ERC2: variants seen among roughly 807,000 people sequenced by gnomAD.
The protein encoded by ERC2 is ELKS/RAB6-interacting/CAST family member 2, also known as ERC protein 2.
In ERC2, 42 loss-of-function variants were observed where a neutral mutation model predicts 114.8. The observed-to-expected ratio is 0.37, with a 90% CI of 0.29 to 0.47. The LOEUF (loss-of-function observed/expected upper bound fraction) is 0.47, where lower values mean the gene tolerates loss of function less well. Among genes scored for constraint, ERC2 ranks in the 20% least tolerant of loss-of-function variants. The pLI, the probability that ERC2 is intolerant of heterozygous loss-of-function variation, is 0.99. For synonymous variants in ERC2, 454 were observed against 425.5 expected, an observed-to-expected ratio of 1.07 and a Z score of -0.82; for missense variants, 939 against 1,150.7, an observed-to-expected ratio of 0.82 and a Z score of 2.66.
chr3:56,369,362 A>T (rs75076478), intron 2 of ERC2, among the ~76,000 whole-genome samples: 4,780 of 152,316 alleles, frequency 0.031, 148 homozygotes, highest in African/African-American at 0.074. Flanking sequence ...CAATAAGACC[A>T]TAGGAAAATA....
At chr3:56,364,748 A>G (rs560166849) in intron 2 of ERC2, among the ~76,000 whole-genome samples, 1 of 152,356 alleles carries the variant, frequency 6.6e-6, no homozygotes, top group East Asian at 1.9e-4. Flanking sequence ...GCAAGATAAA[A>G]ATAAGATATA....
intron 10 of ERC2, among the ~76,000 whole-genome samples, chr3:56,005,965 T>C (rs757073692): frequency 6.6e-6 from 1 of 152,028 alleles, no homozygotes; most frequent in Non-Finnish European, 1.5e-5. Flanking sequence ...AAATGGGCAA[T>C]TTAAATTCTT....
At chr3:55,627,989 T>C (rs1013859307) in intron 17 of ERC2, among the ~76,000 whole-genome samples, 2 of 151,918 alleles carry the variant, frequency 1.3e-5, no homozygotes, top group Admixed American at 1.3e-4. Flanking sequence ...GCTTTCTATT[T>C]AATTTTGAGT....
chr3:55,749,845 T>C (rs943922655), intron 14 of ERC2, among the ~76,000 whole-genome samples: 1 of 152,158 alleles, frequency 6.6e-6, no homozygotes, highest in Non-Finnish European at 1.5e-5. Context: ...AGTGCCATCT[T>C]TAAGAGTTGT....
rs145280958 is a variant in ERC2, at chr3:55,576,210, G to A, written c.*40-64934C>T. On this transcript the variant is annotated intron_variant, in intron 17 of 17. Coordinates refer to ENST00000288221, the MANE Select transcript of ERC2 (RefSeq NM_015576.3). ...TGTAGTCCCAGCTACTCAGGAGGCT[G>A]AGGCAGGAGAATCACTTGAACCTGA... Among the ~76,000 whole-genome samples, 517 of 151,970 alleles carry A rather than the reference G, an allele frequency of 3.4e-3. 3 individuals are homozygous for A. Among genetic ancestry groups the A allele is most frequent in the East Asian group, 0.02 (105 of 5,160 alleles).
intron 14 of ERC2, 33 bp downstream of exon 14, chr3:55,888,352 GAAGA>G (rs777004171): frequency 6.2e-7 from 1 of 1,611,850 alleles, no homozygotes; most frequent in South Asian, 1.1e-5. Flanking sequence ...AGAGAGGCTA[GAAGA>G]GAGAGGCTAC....
intron 3 of ERC2, among the ~76,000 whole-genome samples, chr3:56,271,488 G>C (rs577673132): frequency 2.0e-5 from 3 of 152,124 alleles, no homozygotes; most frequent in Non-Finnish European, 4.4e-5. Flanking sequence ...CTATAAGATA[G>C]AGATAACAGA....
chr3:56,025,411 A>C (rs1314494861), intron 7 of ERC2, among the ~76,000 whole-genome samples: 2 of 152,212 alleles, frequency 1.3e-5, no homozygotes, highest in Non-Finnish European at 2.9e-5. Context: ...AGTTTGGCTA[A>C]GTTCCCATCT....
intron 2 of ERC2, among the ~76,000 whole-genome samples, chr3:56,314,097 T>A (rs943885218): frequency 6.6e-6 from 1 of 152,102 alleles, no homozygotes; most frequent in African/African-American, 2.4e-5. Context: ...TGATTTACTA[T>A]CCCAAATTAA....
chr3:56,338,244 A>G (rs1243443952), intron 2 of ERC2, among the ~76,000 whole-genome samples: 2 of 152,192 alleles, frequency 1.3e-5, no homozygotes, highest in Admixed American at 6.5e-5. Flanking sequence ...TGTGTATTGT[A>G]TTGATTCATT....
intron 17 of ERC2, among the ~76,000 whole-genome samples, chr3:55,620,165 A>C (rs186602228): frequency 1.5e-4 from 23 of 152,300 alleles, no homozygotes; most frequent in Non-Finnish European, 2.8e-4. Flanking sequence ...TGGTTGATCA[A>C]TGACATCAAA....
At chr3:56,139,773 G>T in intron 5 of ERC2, 97 bp from the exon 6 acceptor site, 1 of 1,332,300 alleles carries the variant, frequency 7.5e-7, no homozygotes, top group Non-Finnish European at 1.0e-6. Flanking sequence ...AGCAGCCAGT[G>T]ATCAATAATC....
intron 14 of ERC2, among the ~76,000 whole-genome samples, chr3:55,818,055 C>T (rs2059973882): frequency 6.6e-6 from 1 of 152,138 alleles, no homozygotes; most frequent in Admixed American, 6.5e-5. Context: ...TCTGGGGGAT[C>T]ATAAGTAAGA....
intron 3 of ERC2, among the ~76,000 whole-genome samples, chr3:56,182,733 T>G (rs1223224265): frequency 2.6e-5 from 4 of 152,212 alleles, no homozygotes; most frequent in Non-Finnish European, 5.9e-5. Flanking sequence ...CTGCCCCCGT[T>G]TCACCACTTG....
intron 14 of ERC2, among the ~76,000 whole-genome samples, chr3:55,737,833 G>C (rs2065733525): frequency 6.6e-6 from 1 of 152,086 alleles, no homozygotes. Flanking sequence ...GACTAGCTTT[G>C]AAAGACAGAG....
intron 2 of ERC2, among the ~76,000 whole-genome samples, chr3:56,314,592 T>C (rs1383667897): frequency 6.6e-6 from 1 of 152,110 alleles, no homozygotes; most frequent in African/African-American, 2.4e-5. Flanking sequence ...TTTGGCCACT[T>C]CAAGTGCTAA....
chr3:55,821,966 C>A (rs2060142296), intron 14 of ERC2, among the ~76,000 whole-genome samples: 1 of 152,226 alleles, frequency 6.6e-6, no homozygotes, highest in African/African-American at 2.4e-5. Context: ...TCCCAGCATT[C>A]ACATGGAGTT....
chr3:56,456,458 A>G (rs1249756517), intron 1 of ERC2, among the ~76,000 whole-genome samples: 9 of 152,230 alleles, frequency 5.9e-5, no homozygotes, highest in Admixed American at 5.9e-4. Flanking sequence ...CTTACATGTT[A>G]AAAAGGGAAG....
intron 17 of ERC2, among the ~76,000 whole-genome samples, chr3:55,596,029 C>T (rs917225809): frequency 6.6e-6 from 1 of 152,304 alleles, no homozygotes; most frequent in African/African-American, 2.4e-5. Context: ...CCATTAAAAG[C>T]TTCTGAGTTC....
Sources: allele counts gnomAD v4.1 joint callset (sites outside exome capture counted in the v4.1 genomes callset), GRCh38; gene constraint gnomAD v4.1.1; transcripts MANE v1.5; gene names NCBI Gene and HGNC (gene_info 2026-07-23, HGNC 2026-07-21).